INAVA: variants seen among roughly 807,000 people sequenced by gnomAD.
The protein encoded by INAVA is innate immunity activator protein.
INAVA carries 32 observed loss-of-function variants against 55.3 expected under a neutral mutation model. That is an observed-to-expected ratio of 0.58 (90% CI 0.44 to 0.78). The LOEUF (loss-of-function observed/expected upper bound fraction) is 0.78. Ranked by LOEUF, INAVA falls within the 30% of genes least tolerant of loss-of-function variation. The pLI, the probability that INAVA is intolerant of heterozygous loss-of-function variation, is 0.00. For missense variants in INAVA, 756 were observed against 786.4 expected (o/e 0.96, Z 0.46); for synonymous variants, 294 against 329.4 (o/e 0.89, Z 1.16).
rs1193548135 is a variant in INAVA, at chr1:200,915,698, TA to T, written c.*2072del. 4 of 152,262 alleles carry T rather than the reference TA, an allele frequency of 2.6e-5. No homozygotes were observed. Among genetic ancestry groups the T allele is most frequent in the Non-Finnish European group, 4.4e-5 (3 of 68,108 alleles). 9.4% of individuals were successfully genotyped at this position (152,262 alleles called of 1,614,324 possible). On this transcript the variant is annotated 3_prime_UTR_variant, in exon 10 of 10. Coordinates refer to ENST00000413687, the MANE Select transcript of INAVA (RefSeq NM_001142569.3). ...GCTGGAATTGTGTGGGGTTTAGTGC[TA>T]AATACTTCAATAAAGTCTGTTTTTT...
intron 5 of INAVA, among the ~76,000 whole-genome samples, chr1:200,905,795 C>G (rs144750454): frequency 2.9e-3 from 436 of 152,378 alleles, no homozygotes; most frequent in African/African-American, 9.7e-3. Context: ...TTGCTAACCT[C>G]TGTTGTAAGG....
intron 9 of INAVA, among the ~76,000 whole-genome samples, chr1:200,912,648 G>A (rs1653800527): frequency 6.6e-6 from 1 of 152,114 alleles, no homozygotes; most frequent in Admixed American, 6.6e-5. Flanking sequence ...CCACCCTCAA[G>A]CTAGACCACC....
In INAVA at chr1:200,911,488, G is replaced by C. The variant is rs202019468; in HGVS notation, c.995G>C (p.Gly332Ala). ...DSFRAGPEGR[G>A]RSAFPRRRPT... ...TTCCGGGCGGGTCCTGAGGGCCGAG[G>C]TCGCAGCGCCTTTCCCCGCCGCCGC... Residue 332 changes from glycine to alanine, a missense_variant, in exon 9 of 10, where the codon GGT becomes GCT. Physicochemically the swap from Gly to Ala is moderately conservative, Grantham distance 60 (BLOSUM62 0). Transcript: ENST00000413687. 18 of 1,613,432 alleles carry C rather than the reference G, an allele frequency of 1.1e-5. No individual in the cohort carries two copies. The Admixed American group carries it at 3.0e-4, about 27-fold the overall frequency.
At chr1:200,898,026 T>C (rs941783446) in intron 1 of INAVA, among the ~76,000 whole-genome samples, 2 of 152,202 alleles carry the variant, frequency 1.3e-5, no homozygotes, top group Non-Finnish European at 2.9e-5. Context: ...GAGCGGTTCT[T>C]GTGGCTACCA....
At chr1:200,909,527 C>A (rs1483080132) in intron 8 of INAVA, 130 bp downstream of exon 8, 16 of 820,498 alleles carry the variant, frequency 2.0e-5, no homozygotes, top group Non-Finnish European at 2.5e-5. Flanking sequence ...CTCTTAGGAT[C>A]TCTTCTTGGG....
intron 5 of INAVA, 27 bp from the exon 6 acceptor site, chr1:200,907,807 C>T (rs777796978): frequency 2.4e-5 from 39 of 1,599,426 alleles, no homozygotes; most frequent in Non-Finnish European, 3.2e-5. Flanking sequence ...TCACTTCCTT[C>T]TCTTCTCTCC....
chr1:200,899,963 C>T (rs1653166517), intron 3 of INAVA, 141 bp from the exon 4 acceptor site: 1 of 686,772 alleles, frequency 1.5e-6, no homozygotes, highest in South Asian at 1.8e-5. Flanking sequence ...ACAGGAGAGA[C>T]AGTGTGGAGG....
At position 200,901,122 on chromosome 1, in the gene INAVA, C is replaced by A; in HGVS notation, c.483C>A (p.Ser161Arg). The change falls in exon 5 of 10, where the codon AGC (serine) becomes AGA (arginine). Residue 161 changes from serine to arginine, a missense_variant. Coordinates refer to ENST00000413687, the MANE Select transcript of INAVA (RefSeq NM_001142569.3). ...GCCTGGTCGAGCGGCGGCGCAATAG[C>A]GAGCCACCTCCGGCTGCTGCTCTCC... ...QRCLVERRRN[S>R]EPPPAAALPL... The A allele has an allele frequency of 6.5e-7, 1 of 1,528,738 alleles. No homozygotes were observed. Among genetic ancestry groups the A allele is most frequent in the Non-Finnish European group, 8.8e-7 (1 of 1,141,736 alleles). The allele number at this position is 1,528,738 out of a possible 1,614,324, so 94.7% of individuals were successfully genotyped here.
intron 8 of INAVA, among the ~76,000 whole-genome samples, chr1:200,909,760 T>C (rs771874494): frequency 5.3e-5 from 8 of 152,244 alleles, no homozygotes; most frequent in Non-Finnish European, 1.0e-4. Flanking sequence ...TCTGTGGTAG[T>C]TATGTTCTAT....
At position 200,908,831 on chromosome 1, in the gene INAVA, G is replaced by GGGTC; in HGVS notation, c.676_677insGGTC (p.Ala226GlyfsTer25). The stretch of plus-strand genomic sequence containing the variant: ...GGGTCTGCAGCCAACAGGACCTGAG[G>GGGTC]CTGGGAGCCCAGAACGGGCTCCAGT... On this transcript the variant is annotated frameshift_variant, in exon 7 of 10. Coordinates refer to ENST00000413687, the MANE Select transcript of INAVA (RefSeq NM_001142569.3). LOFTEE classifies it high-confidence loss of function. 1 of 1,614,014 alleles carries GGGTC rather than the reference G, an allele frequency of 6.2e-7. No individual in the cohort carries two copies. Among genetic ancestry groups the GGGTC allele is most frequent in the East Asian group, 2.2e-5 (1 of 44,870 alleles).
intron 1 of INAVA, among the ~76,000 whole-genome samples, chr1:200,897,791 A>G (rs296531): frequency 0.96 from 146,353 of 152,152 alleles, 70,564 homozygotes; most frequent in East Asian, 1. Context: ...CACTATGCCC[A>G]GCTAAGTTTC....
At position 200,913,905 on chromosome 1, in the gene INAVA, C is replaced by A; in HGVS notation, c.*276C>A. Reference sequence around the variant, plus strand: ...AAGGCCTTGCCTGTCTGACTGACAGCCTCTATCTCCTTATATAAGACAAGT... The same window carrying A: ...AAGGCCTTGCCTGTCTGACTGACAGACTCTATCTCCTTATATAAGACAAGT... On this transcript the variant is annotated 3_prime_UTR_variant, in exon 10 of 10. Coordinates refer to ENST00000413687, the MANE Select transcript of INAVA (RefSeq NM_001142569.3). 2.5e-6 allele frequency: 1 copy of A among 405,780 alleles called. No homozygotes were observed. The highest frequency in any genetic ancestry group is 4.4e-6 in the Non-Finnish European group (1 of 225,634). 25.1% of individuals were successfully genotyped at this position (405,780 alleles called of 1,614,324 possible).
chr1:200,909,018 T>G, intron 7 of INAVA, 78 bp downstream of exon 7: 1 of 1,439,100 alleles, frequency 6.9e-7, no homozygotes, highest in Non-Finnish European at 9.3e-7. Flanking sequence ...GGCTATAGGC[T>G]GGGCAGATGG....
chr1:200,900,501 G>A (rs990350169), intron 4 of INAVA, among the ~76,000 whole-genome samples: 11 of 152,236 alleles, frequency 7.2e-5, no homozygotes, highest in African/African-American at 1.7e-4. Flanking sequence ...CCAACCCAGC[G>A]GGCAATAGCC....
At chr1:200,903,910 G>C (rs183141615) in intron 5 of INAVA, among the ~76,000 whole-genome samples, 1 of 151,806 alleles carries the variant, frequency 6.6e-6, no homozygotes, top group Non-Finnish European at 1.5e-5. Context: ...GTTTGGGAAA[G>C]TAACTGCTAG....
At chr1:200,903,510 C>T (rs922093880) in intron 5 of INAVA, among the ~76,000 whole-genome samples, 2 of 151,238 alleles carry the variant, frequency 1.3e-5, no homozygotes, top group African/African-American at 4.9e-5. Context: ...CAAAACAAAA[C>T]AAAAAAACAG....
At chr1:200,905,574 T>C (rs1266178989) in intron 5 of INAVA, among the ~76,000 whole-genome samples, 1 of 152,166 alleles carries the variant, frequency 6.6e-6, no homozygotes, top group Non-Finnish European at 1.5e-5. Context: ...TAAACCTTTG[T>C]GGAGCAAAGG....
chr1:200,898,936 G>A (rs899025512), intron 2 of INAVA, among the ~76,000 whole-genome samples: 4 of 152,158 alleles, frequency 2.6e-5, no homozygotes, highest in Admixed American at 6.5e-5. Flanking sequence ...CCGAGATCGC[G>A]GCATTGCACT....
upstream of INAVA, chr1:200,894,878 A>G (rs1668307342): frequency 1.0e-6 from 1 of 985,614 alleles, no homozygotes; most frequent in Non-Finnish European, 1.2e-6. Context: ...AGTCATAACA[A>G]GTAACCTGGT....
Sources: gnomAD v4.1 joint callset for allele counts (sites outside exome capture counted in the v4.1 genomes callset) on GRCh38, gnomAD v4.1.1 for gene constraint, MANE v1.5 for transcripts, NCBI Gene and HGNC (gene_info 2026-07-23, HGNC 2026-07-21) for gene names.